ARHGEF16: variants seen among roughly 807,000 people sequenced by gnomAD.
ARHGEF16 encodes Rho guanine exchange factor (GEF) 16.
ARHGEF16 carries 59 observed loss-of-function variants against 74.1 expected under a neutral mutation model. That is an observed-to-expected ratio of 0.80 (90% CI 0.65 to 0.99). The LOEUF (loss-of-function observed/expected upper bound fraction) is 0.99, where lower values mean the gene tolerates loss of function less well. Among genes scored for constraint, ARHGEF16 ranks in the 50% least tolerant of loss-of-function variants. ARHGEF16 has a pLI of 0.00. For synonymous variants in ARHGEF16, 415 were observed against 412.6 expected, an observed-to-expected ratio of 1.01 and a Z score of -0.07; for missense variants, 948 against 986.6, an observed-to-expected ratio of 0.96 and a Z score of 0.52.
intron 1 of ARHGEF16, among the ~76,000 whole-genome samples, chr1:3,460,918 T>C (rs531452646): frequency 6.2e-4 from 94 of 152,236 alleles, no homozygotes; most frequent in African/African-American, 2.2e-3. Context: ...TGGGAGAGTT[T>C]GGTGGCTCCC....
At chr1:3,473,753 TGTTCACTTACTCAATG>T in intron 8 of ARHGEF16, 1 of 699,602 alleles carries the variant, frequency 1.4e-6, no homozygotes, top group Non-Finnish European at 2.3e-6. Flanking sequence ...GGCGGATTTG[TGTTCACTTACTCAATG>T]GTTCATGAGG....
rs1280681887 is a variant in ARHGEF16, at chr1:3,463,378, G to T, written c.294G>T (p.Lys98Asn). Residue 98 changes from lysine to asparagine, a missense_variant, in exon 2 of 15, where the codon AAG (lysine) becomes AAT (asparagine). Coordinates refer to ENST00000378378, the MANE Select transcript of ARHGEF16 (RefSeq NM_014448.4). ...LIPKSLAVASKAKTPARHQSF... is the reference protein window; with the variant it reads ...LIPKSLAVASNAKTPARHQSF... The stretch of plus-strand genomic sequence containing the variant: ...CTAAGAGCCTGGCTGTGGCCAGCAA[G>T]GCAAAGACCCCAGCCCGCCACCAGA... The T allele has an allele frequency of 6.5e-7, 1 of 1,550,226 alleles. No homozygotes were observed. Among genetic ancestry groups the T allele is most frequent in the East Asian group, 2.4e-5 (1 of 40,900 alleles).
At chr1:3,471,942 T>TCGTCCA (rs1442451358) in intron 6 of ARHGEF16, among the ~76,000 whole-genome samples, 2 of 152,240 alleles carry the variant, frequency 1.3e-5, no homozygotes, top group Non-Finnish European at 2.9e-5. Flanking sequence ...TGCTGGGTCC[T>TCGTCCA]CGTCCACGGG....
At chr1:3,480,001 C>T (rs535735896) in intron 14 of ARHGEF16, 88 bp downstream of exon 14, 33 of 1,332,008 alleles carry the variant, frequency 2.5e-5, no homozygotes, top group East Asian at 9.4e-5. Context: ...CAGAGCATGC[C>T]GGGCTGCAGG....
chr1:3,471,216 T>G (rs767970859), intron 6 of ARHGEF16, among the ~76,000 whole-genome samples: 37 of 152,112 alleles, frequency 2.4e-4, no homozygotes, highest in Non-Finnish European at 4.7e-4. Flanking sequence ...GCATCGAGTC[T>G]CCTGAGCCTC....
At position 3,471,448 on chromosome 1, in the gene ARHGEF16, C is replaced by T. The variant is rs376070041; in HGVS notation, c.1023-1630C>T. ...GGGGCCCTGAGGGTGGGCAGGGAGC[C>T]GCCTTGTCCCTGGAGACAGGGGCTT... On this transcript the variant is annotated intron_variant, in intron 6 of 14. Transcript: ENST00000378378. Among the ~76,000 whole-genome samples, 51 of 152,216 alleles carry T rather than the reference C, an allele frequency of 3.4e-4. No individual in the cohort carries two copies. The South Asian group carries it at 9.1e-3, about 27-fold the overall frequency.
At chr1:3,466,722 G>A (rs12047741) in intron 3 of ARHGEF16, among the ~76,000 whole-genome samples, 9,677 of 152,286 alleles carry the variant, frequency 0.064, 510 homozygotes, top group East Asian at 0.2. Flanking sequence ...GAGATTAGAG[G>A]CAATGAAGCC....
chr1:3,456,679 C>G (rs368330031), intron 1 of ARHGEF16, among the ~76,000 whole-genome samples: 1 of 152,230 alleles, frequency 6.6e-6, no homozygotes, highest in South Asian at 2.1e-4. Context: ...AGGGCACTGT[C>G]TGTGTGTCTG....
At chr1:3,478,139 G>A (rs1639945383) in intron 11 of ARHGEF16, 113 bp downstream of exon 11, 3 of 1,441,480 alleles carry the variant, frequency 2.1e-6, no homozygotes, top group Non-Finnish European at 2.9e-6. Flanking sequence ...CCTCAGAGCC[G>A]AGGCGCGGCT....
chr1:3,480,047 C>A, intron 14 of ARHGEF16, 134 bp downstream of exon 14: 1 of 801,098 alleles, frequency 1.2e-6, no homozygotes, highest in Non-Finnish European at 2.0e-6. Context: ...AGGGCTTCCT[C>A]AAAGGGAGCA....
Position 3,467,429 on chromosome 1 carries a change from C to G in ARHGEF16, c.804+92C>G, listed in dbSNP as rs116539894. 5,731 of 1,395,514 alleles carry G rather than the reference C, an allele frequency of 4.1e-3. 88 individuals are homozygous for G. The African/African-American group carries it at 0.045, about 11-fold the overall frequency. The allele number at this position is 1,395,514 out of a possible 1,614,324, so 86.4% of individuals were successfully genotyped here. The stretch of plus-strand genomic sequence containing the variant: ...CCTTCCCCAAGCCCAGGCGGCTGGT[C>G]CCCAGCAGCAGCCCAGTCCTCCCAG... On this transcript the variant is annotated intron_variant, in intron 4 of 14. Transcript: ENST00000378378.
chr1:3,460,574 C>T (rs983812865), intron 1 of ARHGEF16, among the ~76,000 whole-genome samples: 1 of 152,192 alleles, frequency 6.6e-6, no homozygotes, highest in Non-Finnish European at 1.5e-5. Context: ...GGCCGTAGAC[C>T]GCCTACGCTG....
In ARHGEF16 at chr1:3,469,467, A is replaced by G; in HGVS notation, c.896A>G (p.Tyr299Cys). Residue 299 changes from tyrosine to cysteine, a missense_variant, in exon 6 of 15, where the codon TAC (tyrosine) becomes TGC (cysteine). Transcript: ENST00000378378. Reference protein sequence around the residue: ...MFEILTSEFSYQHSLSILVEE... With the variant: ...MFEILTSEFSCQHSLSILVEE... ...GAGATCCTCACGTCGGAGTTCTCCT[A>G]CCAGCACAGCCTGAGCATCCTGGTG... 1 of 1,613,010 alleles carries G rather than the reference A, an allele frequency of 6.2e-7. No individual in the cohort carries two copies. Among genetic ancestry groups the G allele is most frequent in the Non-Finnish European group, 8.5e-7 (1 of 1,179,962 alleles).
intron 6 of ARHGEF16, among the ~76,000 whole-genome samples, chr1:3,472,082 C>T (rs578166102): frequency 5.9e-5 from 9 of 152,320 alleles, no homozygotes; most frequent in South Asian, 2.1e-4. Flanking sequence ...GAGGGACTCC[C>T]GCCCACCTCC....
At chr1:3,464,937 G>A (rs1639500825) in intron 2 of ARHGEF16, among the ~76,000 whole-genome samples, 2 of 152,210 alleles carry the variant, frequency 1.3e-5, no homozygotes, top group South Asian at 4.1e-4. Flanking sequence ...TCCACTGCAG[G>A]CCGATGGTGG....
chr1:3,457,914 G>A lies in ARHGEF16; in HGVS notation c.-20+3103G>A, dbSNP rs568805556. Among the ~76,000 whole-genome samples, 113 of 152,174 alleles carry A rather than the reference G, an allele frequency of 7.4e-4. 1 individual carries two copies. The highest frequency in any genetic ancestry group is 1.3e-3 in the Non-Finnish European group (87 of 68,026). ...TGGGCCCCAGGGCTCAGCCATGGGA[G>A]GTCCTTTCCAGCCCACCCTGAGGAG... On this transcript the variant is annotated intron_variant, in intron 1 of 14. Coordinates refer to ENST00000378378, the MANE Select transcript of ARHGEF16 (RefSeq NM_014448.4).
chr1:3,457,628 C>G (rs562854929), intron 1 of ARHGEF16, among the ~76,000 whole-genome samples: 1 of 152,216 alleles, frequency 6.6e-6, no homozygotes, highest in East Asian at 1.9e-4. Context: ...ACACTGGGTC[C>G]GAGATCCAGC....
chr1:3,480,398 G>A (rs892030472), intron 14 of ARHGEF16, 50 bp from the exon 15 acceptor site: 14 of 1,605,430 alleles, frequency 8.7e-6, no homozygotes, highest in Non-Finnish European at 1.1e-5. Context: ...GAGGGGCCGG[G>A]GGACCCACGG....
At chr1:3,470,475 A>T (rs530095590) in intron 6 of ARHGEF16, among the ~76,000 whole-genome samples, 1 of 125,316 alleles carries the variant, frequency 8.0e-6, no homozygotes, top group Non-Finnish European at 1.7e-5. Context: ...GTGTGCATGG[A>T]TGTGTGTGCA....
Sources: allele counts gnomAD v4.1 joint callset (sites outside exome capture counted in the v4.1 genomes callset), GRCh38; gene constraint gnomAD v4.1.1; transcripts MANE v1.5; gene names NCBI Gene and HGNC (gene_info 2026-07-23, HGNC 2026-07-21).